ZNF564: variants seen among roughly 807,000 people sequenced by gnomAD.
ZNF564 encodes the protein zinc finger protein 564.
A neutral mutation model predicts 10.5 loss-of-function variants in ZNF564; 5 were observed. The observed-to-expected ratio is 0.48, with a 90% confidence interval of 0.25 to 1.00. ZNF564 has a LOEUF of 1.00. Among genes scored for constraint, ZNF564 ranks in the 50% least tolerant of loss-of-function variants. The probability of loss-of-function intolerance (pLI) is 0.16; values close to 1 mark genes in which losing one functional copy is unlikely to be tolerated. For synonymous variants in ZNF564, 242 were observed against 218.1 expected (o/e 1.11, Z -0.97); for missense variants, 603 against 669.7 (o/e 0.90, Z 1.10).
chr19:12,535,785 A>T (rs552863349), intron 1 of ZNF564, among the ~76,000 whole-genome samples: 5 of 152,090 alleles, frequency 3.3e-5, no homozygotes, highest in Non-Finnish European at 7.4e-5. Context: ...GGAGGCTCAG[A>T]CAGGCAGATC....
chr19:12,534,932 G>A (rs1400505997), intron 1 of ZNF564, among the ~76,000 whole-genome samples: 1 of 152,068 alleles, frequency 6.6e-6, no homozygotes, highest in Non-Finnish European at 1.5e-5. Context: ...GTTTATGGGA[G>A]TTTTATTCAT....
In ZNF564 at chr19:12,540,770, T is replaced by C. The variant is rs528056146; in HGVS notation, c.3+10560A>G. Among the ~76,000 whole-genome samples, 8 of 151,116 alleles carry C rather than the reference T, an allele frequency of 5.3e-5. No individual in the cohort carries two copies. In the East Asian group the frequency reaches 7.8e-4, roughly 15 times the overall value. On this transcript the variant is annotated intron_variant, in intron 1 of 3. Transcript: ENST00000339282. ...TCGGGAGGCTGAGGCAGAAGAATGG[T>C]GTGAACTCGGGAGGCAGAGCTTGCA...
intron 1 of ZNF564, among the ~76,000 whole-genome samples, chr19:12,539,800 C>A (rs2022002924): frequency 6.6e-6 from 1 of 151,616 alleles, no homozygotes; most frequent in Non-Finnish European, 1.5e-5. Context: ...TCGGTGAAAC[C>A]CCATCTCTAC....
chr19:12,551,386 G>A lies in ZNF564; in HGVS notation c.-54C>T. On this transcript the variant is annotated 5_prime_UTR_variant, in exon 1 of 4. Coordinates refer to ENST00000339282, the MANE Select transcript of ZNF564 (RefSeq NM_144976.4). ...CTGCCTACGGCTCTCTCCGGCCTGT[G>A]CAGGTCCCAGCGCGCCAGACGCTGC... 2 of 1,533,768 alleles carry A rather than the reference G, an allele frequency of 1.3e-6. No homozygotes were observed. The highest frequency in any genetic ancestry group is 8.8e-7 in the Non-Finnish European group (1 of 1,137,346).
At chr19:12,545,316 C>T (rs1163603560) in intron 1 of ZNF564, among the ~76,000 whole-genome samples, 2 of 151,334 alleles carry the variant, frequency 1.3e-5, no homozygotes, top group Non-Finnish European at 2.9e-5. Flanking sequence ...GGGAGCTCCA[C>T]GCACCCTACT....
At chr19:12,550,592 G>A (rs554224962) in intron 1 of ZNF564, 5 of 197,728 alleles carry the variant, frequency 2.5e-5, no homozygotes, top group South Asian at 1.9e-4. Context: ...GAAGGCGAAG[G>A]TTGCAGTGAG....
At chr19:12,532,356 A>C (rs929980626) in intron 1 of ZNF564, among the ~76,000 whole-genome samples, 1 of 151,262 alleles carries the variant, frequency 6.6e-6, no homozygotes, top group Non-Finnish European at 1.5e-5. Context: ...TAACACGGTG[A>C]AACCCCGTCT....
chr19:12,541,417 G>A (rs2022047458), intron 1 of ZNF564: 1 of 152,076 alleles, frequency 6.6e-6, no homozygotes, highest in South Asian at 2.1e-4. Flanking sequence ...CGGCGTGGTA[G>A]AACGCACCTG....
chr19:12,546,386 GA>G (rs755393171), intron 1 of ZNF564, among the ~76,000 whole-genome samples: 3 of 152,096 alleles, frequency 2.0e-5, no homozygotes, highest in Admixed American at 2.0e-4. Flanking sequence ...TACTGCGGGG[GA>G]AAAAACCCTA....
chr19:12,536,011 C>CAA (rs5827154), intron 1 of ZNF564, among the ~76,000 whole-genome samples: 26 of 110,732 alleles, frequency 2.3e-4, no homozygotes, highest in Admixed American at 3.6e-4. Flanking sequence ...GACTCCGTCT[C>CAA]AAAAAAAAAA....
In ZNF564 at chr19:12,548,848, G is replaced by A. The variant is rs768519659; in HGVS notation, c.3+2482C>T. On this transcript the variant is annotated intron_variant, in intron 1 of 3. Coordinates refer to ENST00000339282, the MANE Select transcript of ZNF564 (RefSeq NM_144976.4). ...AGGATACAGAACAGTTATCCATTACGACAAAATCTCTACCCTGCAAAGGAG... is the reference window on the plus strand; with the variant it reads ...AGGATACAGAACAGTTATCCATTACAACAAAATCTCTACCCTGCAAAGGAG... The A allele has an allele frequency of 1.6e-5, 11 of 702,724 alleles. 1 individual carries two copies. Among genetic ancestry groups the A allele is most frequent in the South Asian group, 5.9e-5 (4 of 67,580 alleles). 43.5% of individuals were successfully genotyped at this position (702,724 alleles called of 1,614,324 possible). A position where few individuals can be genotyped will look rare whatever the true frequency, so the allele number is the denominator to read the frequency against.
At chr19:12,551,263 A>T in intron 1 of ZNF564, 67 bp downstream of exon 1, 1 of 1,555,924 alleles carries the variant, frequency 6.4e-7, no homozygotes, top group Non-Finnish European at 8.7e-7. Context: ...GTGCTTCCAC[A>T]GCCGGTTCCG....
Position 12,528,636 on chromosome 19 carries a change from C to A in ZNF564, c.64G>T (p.Asp22Tyr). 1.2e-6 allele frequency: 2 copies of A among 1,614,002 alleles called. No individual in the cohort carries two copies. The highest frequency in any genetic ancestry group is 1.7e-6 in the Non-Finnish European group (2 of 1,179,978). ...NFTLEEWALL[D>Y]PSQKKLYRDV... ...CTGTAGAGTTTCTTCTGGGAAGGATCCAGCAAAGCCCACTCCTCAAGTGTG... is the reference window on the plus strand; with the variant it reads ...CTGTAGAGTTTCTTCTGGGAAGGATACAGCAAAGCCCACTCCTCAAGTGTG... The change falls in exon 2 of 4, where the codon GAT becomes TAT. Residue 22 changes from aspartate to tyrosine, a missense_variant. Physicochemically the swap from Asp to Tyr is radical, Grantham distance 160 (BLOSUM62 -3). Coordinates refer to ENST00000339282, the MANE Select transcript of ZNF564 (RefSeq NM_144976.4).
chr19:12,536,265 C>T (rs542307237), intron 1 of ZNF564, among the ~76,000 whole-genome samples: 1 of 152,264 alleles, frequency 6.6e-6, no homozygotes, highest in Admixed American at 6.5e-5. Context: ...CAGCCTCAAC[C>T]TCCAAGGCTA....
At chr19:12,548,183 T>C in intron 1 of ZNF564, 1 of 983,020 alleles carries the variant, frequency 1.0e-6, no homozygotes, top group Non-Finnish European at 1.2e-6. Context: ...CATTTATGTA[T>C]ATAGGAGGAA....
At chr19:12,529,387 C>A (rs531748692) in intron 1 of ZNF564, among the ~76,000 whole-genome samples, 95 of 151,990 alleles carry the variant, frequency 6.3e-4, no homozygotes, top group Non-Finnish European at 1.2e-3. Flanking sequence ...AAGAGGATCA[C>A]AAGGTCAGGA....
chr19:12,528,577 G>A lies in ZNF564; in HGVS notation c.123C>T (p.Ala41=), dbSNP rs2021738381. 1 of 1,613,416 alleles carries A rather than the reference G, an allele frequency of 6.2e-7. No homozygotes were observed. The highest frequency in any genetic ancestry group is 8.5e-7 in the Non-Finnish European group (1 of 1,179,854). The change falls in exon 2 of 4, where the codon GCC becomes GCT. Residue 41 remains alanine, a synonymous_variant. Coordinates refer to ENST00000339282, the MANE Select transcript of ZNF564 (RefSeq NM_144976.4). ...DVMRETFRNL[A]CVGKKWEDQS... The stretch of plus-strand genomic sequence containing the variant: ...GAATGATGTCATCCTTACCTACACA[G>A]GCCAGGTTTCTAAAGGTTTCCCGCA...
Position 12,527,612 on chromosome 19 carries a change from C to T in ZNF564, c.496G>A (p.Glu166Lys), listed in dbSNP as rs1337346468. ...CATTCCGGACATGCATAGGGTTTCT[C>T]ACCAGTGTGAGTTCTTTCATGTCTT... ...FRRHERTHTG[E>K]KPYACPECGK... Residue 166 changes from glutamate to lysine, a missense_variant, in exon 4 of 4, where the codon GAG becomes AAG. Glu to Lys is a moderately conservative substitution (Grantham distance 56). Transcript: ENST00000339282. 6.2e-7 allele frequency: 1 copy of T among 1,614,216 alleles called. No individual in the cohort carries two copies. Among genetic ancestry groups the T allele is most frequent in the Non-Finnish European group, 8.5e-7 (1 of 1,180,048 alleles).
intron 1 of ZNF564, among the ~76,000 whole-genome samples, chr19:12,531,041 C>T (rs905651663): frequency 6.6e-6 from 1 of 152,038 alleles, no homozygotes; most frequent in African/African-American, 2.4e-5. Context: ...AACCACCACA[C>T]CTGGCTGGAA....
Sources: gnomAD v4.1 joint callset for allele counts (sites outside exome capture counted in the v4.1 genomes callset) on GRCh38, gnomAD v4.1.1 for gene constraint, MANE v1.5 for transcripts, NCBI Gene and HGNC (gene_info 2026-07-23, HGNC 2026-07-21) for gene names.